Variants in ACTR2 observed in about 807,000 individuals in gnomAD.
The protein encoded by ACTR2 is actin related protein 2, also known as actin-related protein 2.
A neutral mutation model predicts 50.2 loss-of-function variants in ACTR2; 5 were observed. The observed-to-expected ratio is 0.10, with a 90% CI of 0.05 to 0.21. The LOEUF is 0.21. ACTR2 is among the 10% of genes least tolerant of loss of function. ACTR2 has a pLI of 1.00. For missense variants in ACTR2, 180 were observed against 480.6 expected, an observed-to-expected ratio of 0.37 and a Z score of 5.85; for synonymous variants, 140 against 162.9, an observed-to-expected ratio of 0.86 and a Z score of 1.07.
chr2:65,236,861 A>G (rs1490071431), intron 1 of ACTR2, among the ~76,000 whole-genome samples: 1 of 152,066 alleles, frequency 6.6e-6, no homozygotes, highest in Non-Finnish European at 1.5e-5. Flanking sequence ...CAAGAGGTAC[A>G]TTGCTCTTTT....
At chr2:65,264,748 T>C (rs942010432) in intron 7 of ACTR2, among the ~76,000 whole-genome samples, 2 of 152,212 alleles carry the variant, frequency 1.3e-5, no homozygotes, top group South Asian at 2.1e-4. Flanking sequence ...TGTGATAAAA[T>C]AGTTTGTAAT....
Position 65,270,534 on chromosome 2 carries a change from G to C in ACTR2, c.*1800G>C, listed in dbSNP as rs1424262564. 6.6e-6 allele frequency: 1 copy of C among 152,578 alleles called. No homozygotes were observed. Among genetic ancestry groups the C allele is most frequent in the Non-Finnish European group, 1.5e-5 (1 of 68,042 alleles). The allele number at this position is 152,578 out of a possible 1,614,324, so 9.5% of individuals were successfully genotyped here. On this transcript the variant is annotated 3_prime_UTR_variant, in exon 9 of 9. Coordinates refer to ENST00000260641, the MANE Select transcript of ACTR2 (RefSeq NM_005722.4). ...CCCCAGCCTTTTGAGAACGGGGCTT[G>C]TTAAAGGACGCGTATGTAGGGCCCG...
chr2:65,256,575 A>T lies in ACTR2; in HGVS notation c.735+881A>T, dbSNP rs151226946. 1.9e-3 allele frequency among the ~76,000 whole-genome samples: 287 copies of T among 152,326 alleles called. 1 individual carries two copies. Among genetic ancestry groups the T allele is most frequent in the African/African-American group, 6.6e-3 (275 of 41,570 alleles). On this transcript the variant is annotated intron_variant, in intron 6 of 8. Coordinates refer to ENST00000260641, the MANE Select transcript of ACTR2 (RefSeq NM_005722.4). ...AAATAGTCATTTTTAAAGTAATTATAAAAAATTTGTTGTTGGCCGGGCGCG... is the reference window on the plus strand; with the variant it reads ...AAATAGTCATTTTTAAAGTAATTATTAAAAATTTGTTGTTGGCCGGGCGCG...
intron 1 of ACTR2, among the ~76,000 whole-genome samples, chr2:65,233,250 C>A (rs1055188510): frequency 6.6e-6 from 1 of 152,066 alleles, no homozygotes; most frequent in African/African-American, 2.4e-5. Flanking sequence ...CTGCCTCAGC[C>A]TCCCAAAGTG....
At chr2:65,235,738 G>A (rs1384412051) in intron 1 of ACTR2, among the ~76,000 whole-genome samples, 1 of 152,132 alleles carries the variant, frequency 6.6e-6, no homozygotes, top group East Asian at 1.9e-4. Flanking sequence ...CTGGATGACC[G>A]AGTGAGACTC....
At chr2:65,235,206 TTA>T (rs981086467) in intron 1 of ACTR2, among the ~76,000 whole-genome samples, 127 of 152,034 alleles carry the variant, frequency 8.4e-4, no homozygotes, top group African/African-American at 2.9e-3. Flanking sequence ...GGTGTGTGTG[TTA>T]TGTTTTAGTT....
chr2:65,260,455 G>C (rs544575158), intron 6 of ACTR2, among the ~76,000 whole-genome samples: 2 of 152,170 alleles, frequency 1.3e-5, no homozygotes, highest in Non-Finnish European at 2.9e-5. Flanking sequence ...GCAGTGAGCC[G>C]AGATCGTGCC....
chr2:65,258,791 C>A (rs1372175550), intron 6 of ACTR2, among the ~76,000 whole-genome samples: 2 of 152,090 alleles, frequency 1.3e-5, no homozygotes, highest in Non-Finnish European at 2.9e-5. Flanking sequence ...TGACCCCATG[C>A]TGGCCAGCAG....
intron 2 of ACTR2, among the ~76,000 whole-genome samples, chr2:65,243,091 G>A (rs192865173): frequency 1.3e-5 from 2 of 152,108 alleles, no homozygotes; most frequent in African/African-American, 2.4e-5. Context: ...CCAGCCTGAC[G>A]AACATGGTGA....
chr2:65,257,493 T>C (rs1302837031), intron 6 of ACTR2, among the ~76,000 whole-genome samples: 2 of 152,240 alleles, frequency 1.3e-5, no homozygotes, highest in Admixed American at 6.5e-5. Flanking sequence ...TCAAATGGTA[T>C]TTCTAGTTCT....
chr2:65,249,966 A>G (rs539763115), intron 3 of ACTR2, among the ~76,000 whole-genome samples: 246 of 151,852 alleles, frequency 1.6e-3, no homozygotes, highest in Non-Finnish European at 2.4e-3. Context: ...TCTTTCTTTT[A>G]ATTTTTAAGC....
intron 6 of ACTR2, among the ~76,000 whole-genome samples, chr2:65,260,750 G>A (rs1573167764): frequency 1.5e-5 from 2 of 130,464 alleles, no homozygotes; most frequent in South Asian, 2.4e-4. Context: ...TTTTTTTTGA[G>A]ATGGAGTCTC....
intron 8 of ACTR2, among the ~76,000 whole-genome samples, chr2:65,265,795 A>G (rs1672359906): frequency 6.6e-6 from 1 of 152,236 alleles, no homozygotes; most frequent in Non-Finnish European, 1.5e-5. Context: ...TGAAGTATAC[A>G]GTATGTGCTG....
rs1573174660 is a variant in ACTR2, at chr2:65,269,798, A to G, written c.*1064A>G. On this transcript the variant is annotated 3_prime_UTR_variant, in exon 9 of 9. Transcript: ENST00000260641. The stretch of plus-strand genomic sequence containing the variant: ...ATTGGTGGTTTAAAAATAACATTGG[A>G]ATACAGGACTTGTTGCCAATTGGGT... The G allele has an allele frequency of 6.6e-6, 1 of 152,336 alleles. No homozygotes were observed. Among genetic ancestry groups the G allele is most frequent in the East Asian group, 1.9e-4 (1 of 5,186 alleles). The allele number at this position is 152,336 out of a possible 1,614,324, so 9.4% of individuals were successfully genotyped here.
chr2:65,255,461 A>G, intron 5 of ACTR2, 84 bp from the exon 6 acceptor site: 2 of 1,216,942 alleles, frequency 1.6e-6, no homozygotes, highest in East Asian at 2.4e-5. Flanking sequence ...TATTGATGTG[A>G]CATATTTAAT....
chr2:65,261,595 A>G (rs1672269219), intron 7 of ACTR2, among the ~76,000 whole-genome samples: 1 of 152,226 alleles, frequency 6.6e-6, no homozygotes, highest in Admixed American at 6.5e-5. Flanking sequence ...CCATTTTACT[A>G]ATTCTAATGT....
chr2:65,261,440 A>C (rs369267837), intron 7 of ACTR2, 48 bp downstream of exon 7: 173 of 1,530,046 alleles, frequency 1.1e-4, no homozygotes, highest in Non-Finnish European at 1.4e-4. Context: ...AAAAATCATA[A>C]AAATAGTTTT....
rs761635656 is a variant in ACTR2, at chr2:65,239,888, G to A, written c.85G>A (p.Glu29Lys). Reference protein sequence around the residue: ...KCGYAGSNFPEHIFPALVGRP... With the variant: ...KCGYAGSNFPKHIFPALVGRP... ...TGGATATGCAGGCTCTAACTTTCCA[G>A]AACACATCTTCCCAGCTTTGGTTGG... Residue 29 changes from glutamate (E) to lysine (K), a missense_variant, in exon 2 of 9, where the codon GAA becomes AAA. Glu to Lys is a moderately conservative substitution (Grantham distance 56). Transcript: ENST00000260641. The A allele has an allele frequency of 1.2e-6, 2 of 1,613,190 alleles. No homozygotes were observed. The highest frequency in any genetic ancestry group is 1.7e-6 in the Non-Finnish European group (2 of 1,179,544).
chr2:65,237,706 C>T (rs1671766672), intron 1 of ACTR2, among the ~76,000 whole-genome samples: 1 of 151,986 alleles, frequency 6.6e-6, no homozygotes, highest in South Asian at 2.1e-4. Context: ...TTAAAACTTA[C>T]GCTAGGCGTG....
Sources: gnomAD v4.1 joint callset for allele counts (sites outside exome capture counted in the v4.1 genomes callset) on GRCh38, gnomAD v4.1.1 for gene constraint, MANE v1.5 for transcripts, NCBI Gene and HGNC (gene_info 2026-07-23, HGNC 2026-07-21) for gene names.